Variants in OR4M1 observed in about 807,000 individuals in gnomAD.
OR4M1 encodes the protein olfactory receptor family 4 subfamily M member 1, also known as olfactory receptor 4M1.
In OR4M1, 7 loss-of-function variants were observed where a neutral mutation model predicts 9.8. That is an observed-to-expected ratio of 0.71 (90% confidence interval 0.41 to 1.34). The LOEUF (loss-of-function observed/expected upper bound fraction) is 1.34, where lower values mean the gene tolerates loss of function less well. Among genes scored for constraint, OR4M1 ranks in the 40% most tolerant of loss-of-function variants. The pLI, the probability that OR4M1 is intolerant of heterozygous loss-of-function variation, is 0.01. For missense variants in OR4M1, 331 were observed against 380.4 expected, an observed-to-expected ratio of 0.87 and a Z score of 1.08; for synonymous variants, 121 against 139.8, an observed-to-expected ratio of 0.87 and a Z score of 0.95.
At position 19,781,349 on chromosome 14, in the gene OR4M1, T is replaced by C; in HGVS notation, c.*85T>C. ...TTGCAGTAATAATGCTGCATTCACTTCCTCCGTTCATTTGTGTTCTTAAAA... is the reference window on the plus strand; with the variant it reads ...TTGCAGTAATAATGCTGCATTCACTCCCTCCGTTCATTTGTGTTCTTAAAA... On this transcript the variant is annotated 3_prime_UTR_variant, in exon 2 of 2. Coordinates refer to ENST00000641200, the MANE Select transcript of OR4M1 (RefSeq NM_001005500.2). The C allele has an allele frequency of 8.5e-7, 1 of 1,179,956 alleles. No homozygotes were observed. The highest frequency in any genetic ancestry group is 2.5e-5 in the East Asian group (1 of 39,384). 73.1% of individuals were successfully genotyped at this position (1,179,956 alleles called of 1,614,324 possible).
rs1566453806 is a variant in OR4M1 at position 19,783,425 on chromosome 14, T to A, written c.*2161T>A. ...ATTATCTGGCCCAAAATGTCAATAG[T>A]GCCGAGAATGAAGAACTCCATCAGG... On this transcript the variant is annotated 3_prime_UTR_variant, in exon 2 of 2. Transcript: ENST00000641200. 6.5e-6 allele frequency: 1 copy of A among 152,786 alleles called. No homozygotes were observed. Among genetic ancestry groups the A allele is most frequent in the South Asian group, 2.1e-4 (1 of 4,844 alleles). The allele number at this position is 152,786 out of a possible 1,614,324, so 9.5% of individuals were successfully genotyped here.
chr14:19,779,504 ATAT>A (rs762752819), intron 1 of OR4M1, among the ~76,000 whole-genome samples: 1 of 152,240 alleles, frequency 6.6e-6, no homozygotes, highest in African/African-American at 2.4e-5. Flanking sequence ...TTTAAAAATA[ATAT>A]TATTCCCATT....
chr14:19,779,520 C>T (rs1349161292), intron 1 of OR4M1, among the ~76,000 whole-genome samples: 2 of 152,222 alleles, frequency 1.3e-5, no homozygotes, highest in African/African-American at 4.8e-5. Flanking sequence ...TTCCCATTGT[C>T]ACCTTGAAAC....
In OR4M1 at chr14:19,782,517, T is replaced by C. The variant is rs547503572; in HGVS notation, c.*1253T>C. ...GATCCTTGTCAACATTAGGAATGAA[T>C]ATATAAAAATAAATCGTATAACTAT... On this transcript the variant is annotated 3_prime_UTR_variant, in exon 2 of 2. Coordinates refer to ENST00000641200, the MANE Select transcript of OR4M1 (RefSeq NM_001005500.2). 3 of 152,372 alleles carry C rather than the reference T, an allele frequency of 2.0e-5. No individual in the cohort carries two copies. The South Asian group carries it at 6.2e-4, about 32-fold the overall frequency. The allele number at this position is 152,372 out of a possible 1,614,324, so 9.4% of individuals were successfully genotyped here.
chr14:19,776,620 G>A (rs1461715336), intron 1 of OR4M1, among the ~76,000 whole-genome samples: 1 of 152,086 alleles, frequency 6.6e-6, no homozygotes, highest in African/African-American at 2.4e-5. Context: ...CTCCTCAATG[G>A]CAACCTTAGA....
Position 19,782,532 on chromosome 14 carries a change from C to G in OR4M1, c.*1268C>G, listed in dbSNP as rs1002615780. ...TAGGAATGAATATATAAAAATAAAT[C>G]GTATAACTATTCCTAGAGTTACTAT... On this transcript the variant is annotated 3_prime_UTR_variant, in exon 2 of 2. Transcript: ENST00000641200. 1.3e-5 allele frequency: 2 copies of G among 152,148 alleles called. No homozygotes were observed. Among genetic ancestry groups the G allele is most frequent in the East Asian group, 3.8e-4 (2 of 5,202 alleles). The allele number at this position is 152,148 out of a possible 1,614,324, so 9.4% of individuals were successfully genotyped here.
At position 19,780,949 on chromosome 14, in the gene OR4M1, G is replaced by A. The variant is rs753653167; in HGVS notation, c.627G>A (p.Val209=). Residue 209 remains valine (V), a synonymous_variant, in exon 2 of 2, where the codon GTG becomes GTA. Transcript: ENST00000641200. ...MICSSGLISV[V]CFIALLMSYA... is the part of the protein sequence containing the mutation. ...GTAGTAGTGGTCTGATCTCTGTGGT[G>A]TGTTTCATTGCTCTGTTAATGTCCT... is the stretch of plus-strand genomic sequence containing the variant. 17 of 1,614,210 alleles carry A rather than the reference G, an allele frequency of 1.1e-5. No homozygotes were observed. The highest frequency in any genetic ancestry group is 1.7e-5 in the Admixed American group (1 of 60,026).
intron 1 of OR4M1, among the ~76,000 whole-genome samples, chr14:19,774,087 C>T (rs118078926): frequency 0.018 from 2,756 of 151,524 alleles, 10 homozygotes; most frequent in Middle Eastern, 0.034. Flanking sequence ...AAAGGTGAGG[C>T]TTGAAATATT....
Position 19,780,296 on chromosome 14 carries a change from A to G in OR4M1, c.-27A>G, listed in dbSNP as rs757125245. The G allele has an allele frequency of 1.8e-5, 28 of 1,570,580 alleles. 1 individual carries two copies. Among genetic ancestry groups the G allele is most frequent in the Non-Finnish European group, 8.6e-7 (1 of 1,158,456 alleles). On this transcript the variant is annotated splice_region_variant and 5_prime_UTR_variant, in exon 2 of 2. Transcript: ENST00000641200. ...TATAGTTTCTTTAATTTTCATAGTT[A>G]TATTATGAAAAGAGTAAATTGAAGA...
intron 1 of OR4M1, 112 bp from the exon 2 acceptor site, chr14:19,780,182 G>C: frequency 1.0e-6 from 1 of 957,996 alleles, no homozygotes; most frequent in Non-Finnish European, 1.5e-6. Context: ...GCAACCAAAT[G>C]TATCCTCATG....
chr14:19,775,010 G>C (rs1465761832), intron 1 of OR4M1, among the ~76,000 whole-genome samples: 6 of 152,186 alleles, frequency 3.9e-5, no homozygotes, highest in Non-Finnish European at 5.9e-5. Context: ...TGACAAGATG[G>C]GCGGTCAGAG....
chr14:19,774,855 T>C (rs368690205), intron 1 of OR4M1, among the ~76,000 whole-genome samples: 1 of 152,212 alleles, frequency 6.6e-6, no homozygotes, highest in Non-Finnish European at 1.5e-5. Context: ...CAGGATTACA[T>C]AGCTAGTAAG....
chr14:19,780,178 A>C (rs1878425718), intron 1 of OR4M1, 116 bp from the exon 2 acceptor site: 2 of 941,516 alleles, frequency 2.1e-6, no homozygotes, highest in Non-Finnish European at 3.1e-6. Context: ...ATGGGCAACC[A>C]AATGTATCCT....
intron 1 of OR4M1, among the ~76,000 whole-genome samples, chr14:19,778,524 G>C (rs117454650): frequency 0.012 from 1,872 of 151,648 alleles, no homozygotes; most frequent in Non-Finnish European, 0.02. Flanking sequence ...AAACTACATG[G>C]CATAATAGCA....
At chr14:19,776,786 A>G (rs905129045) in intron 1 of OR4M1, among the ~76,000 whole-genome samples, 1 of 152,006 alleles carries the variant, frequency 6.6e-6, no homozygotes, top group Admixed American at 6.6e-5. Context: ...GCCCAATTTT[A>G]TTAAGGTCGT....
At chr14:19,779,099 A>G (rs940097258) in intron 1 of OR4M1, among the ~76,000 whole-genome samples, 1 of 152,196 alleles carries the variant, frequency 6.6e-6, no homozygotes, top group African/African-American at 2.4e-5. Flanking sequence ...AAAGCCATTT[A>G]TCTATGTTTG....
Position 19,782,699 on chromosome 14 carries a change from T to A in OR4M1, c.*1435T>A, listed in dbSNP as rs1440505347. 6 of 152,364 alleles carry A rather than the reference T, an allele frequency of 3.9e-5. No individual in the cohort carries two copies. In the East Asian group the frequency reaches 1.2e-3, roughly 29 times the overall value. 9.4% of individuals were successfully genotyped at this position (152,364 alleles called of 1,614,324 possible). A position where few individuals can be genotyped will look rare whatever the true frequency, so the allele number is the denominator to read the frequency against. On this transcript the variant is annotated 3_prime_UTR_variant, in exon 2 of 2. Transcript: ENST00000641200. Reference sequence around the variant, plus strand: ...TTCCTTATGGTGACCTTCTTCGATCTTCAATGCTACGTTACTTCTCTTCTA... The same window carrying A: ...TTCCTTATGGTGACCTTCTTCGATCATCAATGCTACGTTACTTCTCTTCTA...
chr14:19,778,772 T>C (rs1280945835), intron 1 of OR4M1, among the ~76,000 whole-genome samples: 6 of 152,222 alleles, frequency 3.9e-5, no homozygotes, highest in African/African-American at 1.4e-4. Flanking sequence ...ATCATTGTTT[T>C]TTGGAATCTT....
chr14:19,774,015 C>T (rs557193871), intron 1 of OR4M1, among the ~76,000 whole-genome samples: 1 of 152,182 alleles, frequency 6.6e-6, no homozygotes, highest in African/African-American at 2.4e-5. Flanking sequence ...TCAGGAAAAC[C>T]CCAAGATCTT....
Sources: gnomAD v4.1 joint callset for allele counts (sites outside exome capture counted in the v4.1 genomes callset) on GRCh38, gnomAD v4.1.1 for gene constraint, MANE v1.5 for transcripts, NCBI Gene and HGNC (gene_info 2026-07-23, HGNC 2026-07-21) for gene names.